The following UMAD1 variants were observed in gnomAD, a reference collection of about 807,000 sequenced individuals.
UMAD1 encodes UBAP1-MVB12-associated (UMA)-domain containing protein 1.
UMAD1 carries 8 observed loss-of-function variants against 6.1 expected under a neutral mutation model. That is an observed-to-expected ratio of 1.30 (90% CI 0.76 to 2.35). The LOEUF is 2.35. Ranked by LOEUF, UMAD1 falls within the 30% of genes most tolerant of loss-of-function variation. The pLI, the probability that UMAD1 is intolerant of heterozygous loss-of-function variation, is 0.00. For missense variants in UMAD1, 130 were observed against 78.4 expected, an observed-to-expected ratio of 1.66 and a Z score of -2.49; for synonymous variants, 56 against 31.4, an observed-to-expected ratio of 1.78 and a Z score of -2.61.
At chr7:7,654,635 G>A (rs1785299188) in intron 1 of UMAD1, among the ~76,000 whole-genome samples, 1 of 152,142 alleles carries the variant, frequency 6.6e-6, no homozygotes, top group Admixed American at 6.5e-5. Flanking sequence ...GGGTGCGGTG[G>A]CTCATGCTTG....
chr7:7,851,226 A>G (rs1174909228), intron 3 of UMAD1, among the ~76,000 whole-genome samples: 1 of 152,074 alleles, frequency 6.6e-6, no homozygotes, highest in Non-Finnish European at 1.5e-5. Context: ...TTGAAGCAGT[A>G]CTCCATTCCT....
chr7:7,838,680 G>C (rs545750951), intron 3 of UMAD1, among the ~76,000 whole-genome samples: 1 of 152,196 alleles, frequency 6.6e-6, no homozygotes, highest in Non-Finnish European at 1.5e-5. Context: ...GAAGAAGCTA[G>C]AAACAACACA....
At chr7:7,833,506 G>C (rs1428569425) in intron 3 of UMAD1, among the ~76,000 whole-genome samples, 1 of 152,164 alleles carries the variant, frequency 6.6e-6, no homozygotes, top group Non-Finnish European at 1.5e-5. Context: ...GCAGACTGTA[G>C]TAAGTACTCT....
At chr7:7,673,216 A>G (rs1006132481) in intron 1 of UMAD1, 93 bp from the exon 2 acceptor site, 2 of 809,074 alleles carry the variant, frequency 2.5e-6, no homozygotes, top group African/African-American at 1.7e-5. Flanking sequence ...AAGAGTAACT[A>G]TTGTTATATC....
intron 2 of UMAD1, 145 bp from the exon 3 acceptor site, chr7:7,801,525 T>G (rs916754861): frequency 5.1e-6 from 3 of 583,228 alleles, no homozygotes; most frequent in Non-Finnish European, 9.1e-6. Flanking sequence ...AAAAGTTAGC[T>G]TGTTTACTTT....
chr7:7,829,256 C>T (rs1361658043), intron 3 of UMAD1, among the ~76,000 whole-genome samples: 1 of 151,926 alleles, frequency 6.6e-6, no homozygotes, highest in Non-Finnish European at 1.5e-5. Flanking sequence ...ACTGAATGAG[C>T]AGCAGCAATC....
At chr7:7,747,484 G>A (rs1160907303) in intron 2 of UMAD1, among the ~76,000 whole-genome samples, 1 of 152,228 alleles carries the variant, frequency 6.6e-6, no homozygotes, top group Non-Finnish European at 1.5e-5. Context: ...AGGTCACAGA[G>A]TAGTAGAGGA....
chr7:7,771,627 A>AT (rs897136047), intron 2 of UMAD1, among the ~76,000 whole-genome samples: 2 of 152,222 alleles, frequency 1.3e-5, no homozygotes, highest in African/African-American at 4.8e-5. Context: ...ATGAGTCAGA[A>AT]TTAAAAGCTG....
intron 2 of UMAD1, among the ~76,000 whole-genome samples, chr7:7,677,380 A>G (rs981928892): frequency 3.3e-5 from 5 of 151,928 alleles, no homozygotes; most frequent in Non-Finnish European, 7.4e-5. Flanking sequence ...CCCATCATCC[A>G]TCCCCATTTT....
chr7:7,854,507 G>A (rs1474478137), intron 3 of UMAD1, among the ~76,000 whole-genome samples: 30 of 152,080 alleles, frequency 2.0e-4, no homozygotes, highest in Admixed American at 8.5e-4. Flanking sequence ...GGGAAATGCC[G>A]GACGCATATA....
At chr7:7,729,918 A>C (rs1781214460) in intron 2 of UMAD1, among the ~76,000 whole-genome samples, 1 of 152,212 alleles carries the variant, frequency 6.6e-6, no homozygotes. Context: ...ATTCATTGAC[A>C]GCTGTTTGCT....
At chr7:7,745,065 A>G (rs1442950582) in intron 2 of UMAD1, among the ~76,000 whole-genome samples, 1 of 152,234 alleles carries the variant, frequency 6.6e-6, no homozygotes, top group African/African-American at 2.4e-5. Flanking sequence ...TATATACTAT[A>G]TTCTTACCAT....
chr7:7,870,489 C>G (rs543150836), intron 3 of UMAD1, among the ~76,000 whole-genome samples: 2 of 152,234 alleles, frequency 1.3e-5, no homozygotes, highest in Admixed American at 6.5e-5. Flanking sequence ...GGTTAACATA[C>G]TAATTCTTCC....
chr7:7,823,548 G>T (rs1783283495), intron 3 of UMAD1, among the ~76,000 whole-genome samples: 1 of 152,026 alleles, frequency 6.6e-6, no homozygotes, highest in African/African-American at 2.4e-5. Flanking sequence ...AGTGCCTCAG[G>T]TATGCTTTCT....
At chr7:7,854,578 A>G (rs1161005920) in intron 3 of UMAD1, among the ~76,000 whole-genome samples, 1 of 152,100 alleles carries the variant, frequency 6.6e-6, no homozygotes, top group Non-Finnish European at 1.5e-5. Flanking sequence ...AACCACCCCC[A>G]TGATTCAATT....
At chr7:7,836,006 G>T (rs751571580) in intron 3 of UMAD1, among the ~76,000 whole-genome samples, 14 of 151,832 alleles carry the variant, frequency 9.2e-5, no homozygotes, top group Admixed American at 2.0e-4. Context: ...CTTTCTTCCT[G>T]TAACATGAGA....
intron 3 of UMAD1, among the ~76,000 whole-genome samples, chr7:7,840,491 C>T (rs901323372): frequency 4.6e-5 from 7 of 152,132 alleles, no homozygotes; most frequent in African/African-American, 1.4e-4. Context: ...CACGTAGCTA[C>T]GTGAATGTTG....
chr7:7,708,471 A>G (rs1299353287), intron 2 of UMAD1, among the ~76,000 whole-genome samples: 1 of 152,182 alleles, frequency 6.6e-6, no homozygotes, highest in Non-Finnish European at 1.5e-5. Flanking sequence ...GACAGCATTT[A>G]CCATTTTGGA....
rs77979145 is a variant in UMAD1 at position 7,744,552 on chromosome 7, G to A, written c.83-57118G>A. The stretch of plus-strand genomic sequence containing the variant: ...ATAGTCCCAACCAGCTGTGTACAAG[G>A]GTTCTCATTTCTCCACGTCCTGGTA... On this transcript the variant is annotated intron_variant, in intron 2 of 3. Coordinates refer to ENST00000682710, the MANE Select transcript of UMAD1 (RefSeq NM_001302348.2). Among the ~76,000 whole-genome samples, 534 of 150,876 alleles carry A rather than the reference G, an allele frequency of 3.5e-3. 6 individuals are homozygous for A. The highest frequency in any genetic ancestry group is 0.012 in the African/African-American group (505 of 41,122).
Sources: allele counts gnomAD v4.1 joint callset (sites outside exome capture counted in the v4.1 genomes callset), GRCh38; gene constraint gnomAD v4.1.1; transcripts MANE v1.5; gene names NCBI Gene and HGNC (gene_info 2026-07-23, HGNC 2026-07-21).